Variants in ELFN1 observed in about 807,000 individuals in gnomAD.
ELFN1 encodes the protein extracellular leucine rich repeat and fibronectin type III domain containing 1, also known as protein ELFN1.
In ELFN1, 6 loss-of-function variants were observed where a neutral mutation model predicts 7.6. That is an observed-to-expected ratio of 0.79 (90% CI 0.43 to 1.56). The LOEUF is 1.56. ELFN1 is among the 40% of genes most tolerant of loss of function. ELFN1 has a pLI of 0.01. For synonymous variants in ELFN1, 657 were observed against 588.1 expected (o/e 1.12, Z -1.70); for missense variants, 1,169 against 1,232.2 (o/e 0.95, Z 0.77).
At chr7:1,713,214 T>C (rs1461911369) in intron 3 of ELFN1, among the ~76,000 whole-genome samples, 2 of 152,248 alleles carry the variant, frequency 1.3e-5, no homozygotes, top group African/African-American at 4.8e-5. Flanking sequence ...GACTCTGTGC[T>C]GTGAGCCTCA....
intron 3 of ELFN1, among the ~76,000 whole-genome samples, chr7:1,725,734 G>A (rs1173736302): frequency 6.6e-6 from 1 of 152,168 alleles, no homozygotes; most frequent in Non-Finnish European, 1.5e-5. Context: ...GAAAGGGTGG[G>A]GCGGGGCAAG....
intron 3 of ELFN1, among the ~76,000 whole-genome samples, chr7:1,721,889 T>G (rs1780033126): frequency 6.6e-6 from 1 of 152,208 alleles, no homozygotes; most frequent in African/African-American, 2.4e-5. Context: ...TCTCTGGTCT[T>G]CAGTGATTGT....
At position 1,746,401 on chromosome 7, in the gene ELFN1, C is replaced by A; in HGVS notation, c.1805C>A (p.Ser602Tyr). Residue 602 changes from serine (S) to tyrosine (Y), a missense_variant, in exon 4 of 4, where the codon TCC becomes TAC. Around this residue, in one of 2 missense-constraint regions of ELFN1, gnomAD observed 914 missense variants for 872.6 expected, o/e 1.05. Transcript: ENST00000424383. ...GCGGAGCCGCCGCTGGTGCTGCTGT[C>A]CGAGCCGCTGGCCGCCAAGCACGGC... ...SVAEPPLVLLSEPLAAKHGFL... is the reference protein window; with the variant it reads ...SVAEPPLVLLYEPLAAKHGFL... The A allele has an allele frequency of 6.5e-7, 1 of 1,535,290 alleles. No homozygotes were observed. Among genetic ancestry groups the A allele is most frequent in the Non-Finnish European group, 8.8e-7 (1 of 1,142,442 alleles).
At chr7:1,679,975 G>A (rs1431171104) in intron 1 of ELFN1, among the ~76,000 whole-genome samples, 1 of 152,242 alleles carries the variant, frequency 6.6e-6, no homozygotes, top group Non-Finnish European at 1.5e-5. Flanking sequence ...GGGCGCGTGT[G>A]CCCCTGAGCG....
intron 3 of ELFN1, among the ~76,000 whole-genome samples, chr7:1,742,728 CGTT>C (rs1349821917): frequency 1.3e-5 from 2 of 152,212 alleles, no homozygotes; most frequent in African/African-American, 2.4e-5. Flanking sequence ...GCTAGGACCT[CGTT>C]GTAGCCCCCA....
At chr7:1,703,642 C>T (rs763088839) in intron 2 of ELFN1, among the ~76,000 whole-genome samples, 1 of 152,152 alleles carries the variant, frequency 6.6e-6, no homozygotes, top group Admixed American at 6.5e-5. Flanking sequence ...GGCTCAGCTT[C>T]CTCTGTCGGT....
intron 3 of ELFN1, among the ~76,000 whole-genome samples, chr7:1,734,319 A>G (rs1562384236): frequency 1.3e-5 from 2 of 152,192 alleles, no homozygotes; most frequent in Non-Finnish European, 2.9e-5. Flanking sequence ...GCGCCGGAGC[A>G]GGGAACCATT....
intron 3 of ELFN1, among the ~76,000 whole-genome samples, chr7:1,712,463 G>C (rs564359555): frequency 6.9e-6 from 1 of 145,838 alleles, no homozygotes; most frequent in Non-Finnish European, 1.5e-5. Flanking sequence ...ACGGAGTCTC[G>C]CCCTGTCACC....
intron 2 of ELFN1, among the ~76,000 whole-genome samples, chr7:1,691,049 TAA>T (rs61262072): frequency 0.022 from 3,370 of 152,106 alleles, 122 homozygotes; most frequent in African/African-American, 0.076. Flanking sequence ...GTCCCCCAGG[TAA>T]AGAGGCTAAT....
chr7:1,746,101 C>T lies in ELFN1; in HGVS notation c.1505C>T (p.Ala502Val), dbSNP rs558275573. Residue 502 changes from alanine (A) to valine (V), a missense_variant, in exon 4 of 4, where the codon GCG (alanine) becomes GTG (valine). Coordinates refer to ENST00000424383, the MANE Select transcript of ELFN1 (RefSeq NM_001128636.4). ...GTGACGCGCATCCCTTACCTGCCTG[C>T]GGCCGGCGAGGTGGAGCAGTACAAG... Reference protein sequence around the residue: ...EAVTRIPYLPAAGEVEQYKLV... With the variant: ...EAVTRIPYLPVAGEVEQYKLV... 121 of 1,546,674 alleles carry T rather than the reference C, an allele frequency of 7.8e-5. No homozygotes were observed. The African/African-American group carries it at 1.5e-3, about 19-fold the overall frequency.
At position 1,746,925 on chromosome 7, in the gene ELFN1, T is replaced by A; in HGVS notation, c.2329T>A (p.Trp777Arg). ...CACCTGCCGGGCCTCCCAGAGCATC[T>A]GGGAGCGCTTCAGACTGAGCCGCCG... ...EYTCRASQSIWERFRLSRRRH... is the reference protein window; with the variant it reads ...EYTCRASQSIRERFRLSRRRH... The change falls in exon 4 of 4, where the codon TGG becomes AGG. Residue 777 changes from tryptophan (W) to arginine (R), a missense_variant. Trp to Arg is a moderately radical substitution (Grantham distance 101, BLOSUM62 -3). This residue lies in a region of ELFN1 where 914 missense variants were observed against 872.6 expected (regional missense o/e 1.05). Coordinates refer to ENST00000424383, the MANE Select transcript of ELFN1 (RefSeq NM_001128636.4). 2 of 1,549,176 alleles carry A rather than the reference T, an allele frequency of 1.3e-6. No homozygotes were observed. The highest frequency in any genetic ancestry group is 1.7e-6 in the Non-Finnish European group (2 of 1,146,468).
rs889139410 is a variant in ELFN1 at position 1,747,250 on chromosome 7, G to A, written c.*167G>A. 230 of 769,332 alleles carry A rather than the reference G, an allele frequency of 3.0e-4. 2 individuals are homozygous for A. Among genetic ancestry groups the A allele is most frequent in the African/African-American group, 5.8e-4 (32 of 55,418 alleles). 47.7% of individuals were successfully genotyped at this position (769,332 alleles called of 1,614,324 possible). A position where few individuals can be genotyped will look rare whatever the true frequency, so the allele number is the denominator to read the frequency against. ...GGGACAGACAAGGGGGACACGTCCCGAGCTCCTGTGGCCGGTCCTGGGATG... is the reference window on the plus strand; with the variant it reads ...GGGACAGACAAGGGGGACACGTCCCAAGCTCCTGTGGCCGGTCCTGGGATG... On this transcript the variant is annotated 3_prime_UTR_variant, in exon 4 of 4. Transcript: ENST00000424383.
chr7:1,722,265 CTTTT>C (rs35253681), intron 3 of ELFN1, among the ~76,000 whole-genome samples: 14 of 135,252 alleles, frequency 1.0e-4, no homozygotes, highest in African/African-American at 3.0e-4. Context: ...TTAGGAGCCA[CTTTT>C]TTTTTTTTTT....
chr7:1,693,273 T>G (rs975393412), intron 2 of ELFN1: 1 of 447,806 alleles, frequency 2.2e-6, no homozygotes. Flanking sequence ...GAAGAGAGGA[T>G]GTACTGGCTG....
At position 1,745,696 on chromosome 7, in the gene ELFN1, G is replaced by A. The variant is rs1044540797; in HGVS notation, c.1100G>A (p.Arg367His). ...SRLTKAQEEI[R>H]LTNLFTLTNY... The stretch of plus-strand genomic sequence containing the variant: ...CTGACCAAGGCCCAGGAGGAGATCC[G>A]TCTGACCAACCTGTTCACGCTCACC... Residue 367 changes from arginine to histidine, a missense_variant, in exon 4 of 4, where the codon CGT becomes CAT. Coordinates refer to ENST00000424383, the MANE Select transcript of ELFN1 (RefSeq NM_001128636.4). 1.2e-5 allele frequency: 18 copies of A among 1,551,276 alleles called. No homozygotes were observed. The Admixed American group carries it at 2.5e-4, about 22-fold the overall frequency.
intron 3 of ELFN1, among the ~76,000 whole-genome samples, chr7:1,724,692 G>A (rs563756700): frequency 1.2e-4 from 18 of 151,998 alleles, no homozygotes; most frequent in African/African-American, 2.2e-4. Context: ...CAGAGCCCGG[G>A]GCCCCATGAA....
intron 3 of ELFN1, among the ~76,000 whole-genome samples, chr7:1,726,206 G>A (rs1021823488): frequency 2.0e-5 from 3 of 152,088 alleles, no homozygotes; most frequent in Admixed American, 6.5e-5. Flanking sequence ...TGTGGCCACC[G>A]CACCCAAGCT....
chr7:1,726,616 C>T (rs1196079726), intron 3 of ELFN1, among the ~76,000 whole-genome samples: 1 of 152,212 alleles, frequency 6.6e-6, no homozygotes, highest in African/African-American at 2.4e-5. Context: ...TCGCTTCTAG[C>T]CCAGGCTCTG....
At chr7:1,683,917 G>C (rs960257199) in intron 1 of ELFN1, among the ~76,000 whole-genome samples, 1 of 152,204 alleles carries the variant, frequency 6.6e-6, no homozygotes, top group Non-Finnish European at 1.5e-5. Context: ...GGGAGGCCAA[G>C]GCAGGAGGAT....
Sources: allele counts gnomAD v4.1 joint callset (sites outside exome capture counted in the v4.1 genomes callset), GRCh38; gene constraint gnomAD v4.1.1; regional missense constraint gnomAD v4.1.1; transcripts MANE v1.5; gene names NCBI Gene and HGNC (gene_info 2026-07-23, HGNC 2026-07-21).